The following PTPRR variants were observed in gnomAD, a reference collection of about 807,000 sequenced individuals.
PTPRR encodes the protein receptor-type tyrosine-protein phosphatase R.
In PTPRR, 38 loss-of-function variants were observed where a neutral mutation model predicts 77.2. That is an observed-to-expected ratio of 0.49 (90% CI 0.38 to 0.65). The LOEUF (loss-of-function observed/expected upper bound fraction) is 0.65, where lower values mean the gene tolerates loss of function less well. Among genes scored for constraint, PTPRR ranks in the 30% least tolerant of loss-of-function variants. The pLI is 0.00. For synonymous variants in PTPRR, 299 were observed against 283.1 expected, an observed-to-expected ratio of 1.06 and a Z score of -0.57; for missense variants, 744 against 799.2, an observed-to-expected ratio of 0.93 and a Z score of 0.83.
chr12:70,909,713 A>C (rs1230373612), intron 1 of PTPRR, among the ~76,000 whole-genome samples: 2 of 152,318 alleles, frequency 1.3e-5, no homozygotes, highest in Non-Finnish European at 2.9e-5. Context: ...CAGCATTAGA[A>C]GTGGAATGTT....
intron 2 of PTPRR, among the ~76,000 whole-genome samples, chr12:70,853,032 C>T (rs1351380116): frequency 2.0e-5 from 3 of 152,104 alleles, no homozygotes; most frequent in African/African-American, 4.8e-5. Flanking sequence ...GGCCAGGGGC[C>T]GCCACACTTT....
At chr12:70,856,269 C>T (rs1565719767) in intron 2 of PTPRR, among the ~76,000 whole-genome samples, 1 of 152,084 alleles carries the variant, frequency 6.6e-6, no homozygotes, top group Non-Finnish European at 1.5e-5. Context: ...ATTCCAACTA[C>T]AGGACAATGG....
chr12:70,723,838 T>C (rs73341020), intron 6 of PTPRR, among the ~76,000 whole-genome samples: 2,379 of 152,328 alleles, frequency 0.016, 50 homozygotes, highest in African/African-American at 0.054. Context: ...TCTGAAGTTT[T>C]ATTTTTTATT....
At chr12:70,754,127 T>C (rs2136948893) in intron 5 of PTPRR, 64 bp downstream of exon 5, 1 of 1,453,234 alleles carries the variant, frequency 6.9e-7, no homozygotes, top group Non-Finnish European at 9.5e-7. Flanking sequence ...TGAATGGCAA[T>C]GTACCCACTA....
intron 2 of PTPRR, among the ~76,000 whole-genome samples, chr12:70,843,112 T>C (rs1892424765): frequency 6.6e-6 from 1 of 152,166 alleles, no homozygotes; most frequent in Non-Finnish European, 1.5e-5. Flanking sequence ...CAATTGTCTG[T>C]CTTTGTATAA....
chr12:70,716,769 G>T (rs969292099), intron 6 of PTPRR, among the ~76,000 whole-genome samples: 5 of 152,150 alleles, frequency 3.3e-5, no homozygotes, highest in African/African-American at 1.2e-4. Flanking sequence ...GATCACTTGA[G>T]CCCAGGAGTT....
chr12:70,722,951 G>C (rs1265337044), intron 6 of PTPRR, among the ~76,000 whole-genome samples: 2 of 152,184 alleles, frequency 1.3e-5, no homozygotes, highest in Non-Finnish European at 2.9e-5. Flanking sequence ...ATTCTTGGCA[G>C]CATTTATATT....
chr12:70,844,203 G>T (rs1892446568), intron 2 of PTPRR, among the ~76,000 whole-genome samples: 1 of 152,088 alleles, frequency 6.6e-6, no homozygotes, highest in African/African-American at 2.4e-5. Context: ...GGTACTTATT[G>T]TATCTTTGTG....
intron 12 of PTPRR, among the ~76,000 whole-genome samples, chr12:70,659,295 G>A (rs538033728): frequency 6.6e-6 from 1 of 152,076 alleles, no homozygotes; most frequent in African/African-American, 2.4e-5. Context: ...GGGGGAATGC[G>A]GTATGTGTGT....
chr12:70,765,468 G>A (rs182391576), intron 2 of PTPRR, among the ~76,000 whole-genome samples: 334 of 152,280 alleles, frequency 2.2e-3, no homozygotes, highest in African/African-American at 7.0e-3. Flanking sequence ...AGGGGTGCCC[G>A]CCATTGCCCA....
At position 70,710,010 on chromosome 12, in the gene PTPRR, A is replaced by G. The variant is rs1247894063; in HGVS notation, c.1008-8687T>C. 2.0e-5 allele frequency among the ~76,000 whole-genome samples: 3 copies of G among 152,002 alleles called. No individual in the cohort carries two copies. In the East Asian group the frequency reaches 5.8e-4, roughly 29 times the overall value. On this transcript the variant is annotated intron_variant, in intron 6 of 13. Coordinates refer to ENST00000283228, the MANE Select transcript of PTPRR (RefSeq NM_002849.4). Reference sequence around the variant, plus strand: ...TGAATTATCTCATTTAACTGTTACAACAATTTTTGAGAAAGACTATTCACA... The same window carrying G: ...TGAATTATCTCATTTAACTGTTACAGCAATTTTTGAGAAAGACTATTCACA...
At chr12:70,896,392 G>T (rs1216806703) in intron 1 of PTPRR, among the ~76,000 whole-genome samples, 2 of 151,602 alleles carry the variant, frequency 1.3e-5, no homozygotes, top group African/African-American at 2.4e-5. Flanking sequence ...TTTAATAGGT[G>T]TTTATAGAAC....
intron 2 of PTPRR, among the ~76,000 whole-genome samples, chr12:70,815,602 A>C (rs1228354342): frequency 6.6e-6 from 1 of 152,180 alleles, no homozygotes; most frequent in African/African-American, 2.4e-5. Flanking sequence ...GTATGAGACT[A>C]CTTGGGGGGA....
At chr12:70,911,232 A>G (rs573848890) in intron 1 of PTPRR, among the ~76,000 whole-genome samples, 2 of 152,290 alleles carry the variant, frequency 1.3e-5, no homozygotes, top group Non-Finnish European at 2.9e-5. Context: ...CTACAGCCCA[A>G]TGGTCTAGAA....
chr12:70,657,014 TG>T (rs1886610251), intron 12 of PTPRR, among the ~76,000 whole-genome samples, 197 bp from the exon 13 acceptor site: 1 of 54,458 alleles, frequency 1.8e-5, no homozygotes, highest in African/African-American at 7.7e-5. Context: ...ATGAGAGGGG[TG>T]GGGGGAAGTG....
chr12:70,666,681 T>C, intron 10 of PTPRR, among the ~76,000 whole-genome samples: 1 of 152,114 alleles, frequency 6.6e-6, no homozygotes, highest in East Asian at 1.9e-4. Flanking sequence ...AAACTGCATT[T>C]ATATTGTTTC....
At chr12:70,804,842 CT>C (rs144956826) in intron 2 of PTPRR, among the ~76,000 whole-genome samples, 3,141 of 152,230 alleles carry the variant, frequency 0.021, 97 homozygotes, top group African/African-American at 0.071. Context: ...TTTGCAGAAA[CT>C]CAAATTTCAA....
chr12:70,903,673 G>A (rs1396526984), intron 1 of PTPRR, among the ~76,000 whole-genome samples: 2 of 151,772 alleles, frequency 1.3e-5, no homozygotes, highest in Non-Finnish European at 2.9e-5. Flanking sequence ...CCTAAGGTTA[G>A]GCAAAGGTTC....
intron 3 of PTPRR, among the ~76,000 whole-genome samples, chr12:70,763,083 T>A (rs1890729569): frequency 6.6e-6 from 1 of 151,542 alleles, no homozygotes; most frequent in South Asian, 2.1e-4. Context: ...TATTTTTATA[T>A]GTATATATTG....
Sources: gnomAD v4.1 joint callset for allele counts (sites outside exome capture counted in the v4.1 genomes callset) on GRCh38, gnomAD v4.1.1 for gene constraint, MANE v1.5 for transcripts, NCBI Gene and HGNC (gene_info 2026-07-23, HGNC 2026-07-21) for gene names.